Variants in POLN observed in about 807,000 individuals in gnomAD.
POLN encodes the protein DNA polymerase nu.
In POLN, 108 loss-of-function variants were observed where a neutral mutation model predicts 113.5. That is an observed-to-expected ratio of 0.95 (90% confidence interval 0.81 to 1.12). The LOEUF is 1.12. Among genes scored for constraint, POLN ranks in the 50% most tolerant of loss-of-function variants. POLN has a pLI of 0.00. For synonymous variants in POLN, 386 were observed against 391.5 expected (o/e 0.99, Z 0.17); for missense variants, 1,097 against 1,077.1 (o/e 1.02, Z -0.26).
chr4:2,179,526 T>A, intron 7 of POLN, 61 bp from the exon 8 acceptor site: 1 of 1,530,458 alleles, frequency 6.5e-7, no homozygotes, highest in Non-Finnish European at 9.0e-7. Flanking sequence ...TTTCCTGCTT[T>A]GACAAAGTTC....
intron 2 of POLN, among the ~76,000 whole-genome samples, chr4:2,233,378 A>C (rs999388238): frequency 1.3e-5 from 2 of 152,158 alleles, no homozygotes; most frequent in Non-Finnish European, 2.9e-5. Context: ...GAAAAACACT[A>C]ATGATACCCA....
intron 16 of POLN, among the ~76,000 whole-genome samples, chr4:2,133,160 A>AAT (rs1553896585): frequency 5.4e-4 from 82 of 151,760 alleles, no homozygotes; most frequent in Non-Finnish European, 8.5e-4. Context: ...AAAAAAAAAA[A>AAT]AAATAACATG....
At chr4:2,149,693 G>A (rs1283233612) in intron 16 of POLN, among the ~76,000 whole-genome samples, 1 of 152,198 alleles carries the variant, frequency 6.6e-6, no homozygotes, top group Non-Finnish European at 1.5e-5. Context: ...GGATGAGGCA[G>A]AAGGATCACT....
At chr4:2,200,650 C>T (rs1453638359) in intron 5 of POLN, among the ~76,000 whole-genome samples, 1 of 152,104 alleles carries the variant, frequency 6.6e-6, no homozygotes, top group Non-Finnish European at 1.5e-5. Flanking sequence ...GAAGCCACAT[C>T]CCTAGGAAAA....
intron 19 of POLN, among the ~76,000 whole-genome samples, chr4:2,125,694 G>A (rs1045197681): frequency 1.3e-5 from 2 of 152,144 alleles, no homozygotes; most frequent in Admixed American, 6.5e-5. Context: ...TGGGCTGAGC[G>A]GAGATAACAA....
chr4:2,175,723 C>T (rs865898450), intron 9 of POLN, among the ~76,000 whole-genome samples: 1 of 152,212 alleles, frequency 6.6e-6, no homozygotes, highest in Non-Finnish European at 1.5e-5. Flanking sequence ...GCCCATAAGG[C>T]GGGGCAGGCT....
At chr4:2,224,266 C>T (rs1734331463) in intron 3 of POLN, among the ~76,000 whole-genome samples, 1 of 152,150 alleles carries the variant, frequency 6.6e-6, no homozygotes, top group Non-Finnish European at 1.5e-5. Flanking sequence ...GTATCTTGTC[C>T]CCCTGGAAGG....
chr4:2,240,268 G>C (rs1052808146), intron 2 of POLN: 2 of 1,613,530 alleles, frequency 1.2e-6, no homozygotes, highest in African/African-American at 2.7e-5. Context: ...ACTACTTCAT[G>C]TATACCCTGA....
At position 2,236,125 on chromosome 4, in the gene POLN, T is replaced by A. The variant is rs75270981; in HGVS notation, c.-13+5395A>T. 3.9e-3 allele frequency: 2,529 copies of A among 648,082 alleles called. 41 individuals are homozygous for A. The highest frequency in any genetic ancestry group is 0.035 in the East Asian group (1,259 of 36,482). 40.1% of individuals were successfully genotyped at this position (648,082 alleles called of 1,614,324 possible). ...AGAAATATACTTTATATTAAGGCAATGAAATTGGGGTAATATTTTCCTCAT... is the reference window on the plus strand; with the variant it reads ...AGAAATATACTTTATATTAAGGCAAAGAAATTGGGGTAATATTTTCCTCAT... On this transcript the variant is annotated intron_variant, in intron 2 of 25. Coordinates refer to ENST00000511885, the MANE Select transcript of POLN (RefSeq NM_181808.4).
In POLN at chr4:2,242,121, T is replaced by G. The variant is rs1577807932; in HGVS notation, c.-354A>C. 1 of 985,806 alleles carries G rather than the reference T, an allele frequency of 1.0e-6. No homozygotes were observed. 61.1% of individuals were successfully genotyped at this position (985,806 alleles called of 1,614,324 possible). ...CCTCCGTGCCCCGCGCGCCTCGCAC[T>G]GCCTCACGGGAGCGCCTGGACGCGC... On this transcript the variant is annotated 5_prime_UTR_variant, in exon 1 of 26. Coordinates refer to ENST00000511885, the MANE Select transcript of POLN (RefSeq NM_181808.4).
chr4:2,133,018 G>T (rs1021162286), intron 16 of POLN, among the ~76,000 whole-genome samples: 1 of 152,038 alleles, frequency 6.6e-6, no homozygotes, highest in African/African-American at 2.4e-5. Context: ...TATAAAAATA[G>T]CTTGTGGCTG....
Position 2,072,963 on chromosome 4 carries a change from C to T in POLN, c.2517+5G>A, listed in dbSNP as rs1469672775. 3 of 1,613,064 alleles carry T rather than the reference C, an allele frequency of 1.9e-6. No homozygotes were observed. In the Admixed American group the frequency reaches 5.0e-5, roughly 27 times the overall value. On this transcript the variant is annotated splice_donor_5th_base_variant and intron_variant, in intron 25 of 25. Transcript: ENST00000511885. ...AAGACCGGGCAGGCTTAAGTGTCCC[C>T]TCACCTGAAGCTGCAGCTCCAATGC...
At chr4:2,107,446 C>A (rs1325802695) in intron 19 of POLN, among the ~76,000 whole-genome samples, 2 of 152,154 alleles carry the variant, frequency 1.3e-5, no homozygotes, top group East Asian at 3.9e-4. Flanking sequence ...TGTTAGCTTG[C>A]GGCGGGTAAA....
At chr4:2,181,543 C>A (rs7676502) in intron 7 of POLN, among the ~76,000 whole-genome samples, 37,366 of 151,250 alleles carry the variant, frequency 0.25, 7,119 homozygotes, top group African/African-American at 0.52. Flanking sequence ...AAAGAAATGA[C>A]GAAACTGAAA....
At chr4:2,209,741 A>T (rs1733943961) in intron 4 of POLN, among the ~76,000 whole-genome samples, 1 of 138,634 alleles carries the variant, frequency 7.2e-6, no homozygotes, top group Admixed American at 7.8e-5. Context: ...AGCTCACTGC[A>T]ACTTCCATGT....
chr4:2,176,219 T>A (rs746097593), intron 9 of POLN, 47 bp downstream of exon 9: 99 of 1,482,270 alleles, frequency 6.7e-5, no homozygotes, highest in Non-Finnish European at 8.0e-5. Flanking sequence ...TGAAAAGACA[T>A]CTCTTGTGAG....
chr4:2,127,711 C>T lies in POLN; in HGVS notation c.1982+402G>A, dbSNP rs1189920139. ...AGCCACTCAGGCAGGATCTTTCACC[C>T]GCAGCTCAAGAAGCCCCTGGCCCAC... On this transcript the variant is annotated intron_variant, in intron 19 of 25. Transcript: ENST00000511885. This position sits in a 1 kb window ranked among gnomAD's most constrained non-coding sequence, Gnocchi z 4.7. 2.0e-5 allele frequency among the ~76,000 whole-genome samples: 3 copies of T among 152,244 alleles called. No homozygotes were observed. Among genetic ancestry groups the T allele is most frequent in the South Asian group, 2.1e-4 (1 of 4,834 alleles).
intron 20 of POLN, chr4:2,090,609 C>T (rs1730643508): frequency 2.3e-6 from 1 of 433,794 alleles, no homozygotes; most frequent in Non-Finnish European, 4.4e-6. Context: ...CATTCCGATG[C>T]TGGGCCATGA....
intron 16 of POLN, among the ~76,000 whole-genome samples, chr4:2,144,134 A>C (rs1301282581): frequency 6.6e-6 from 1 of 151,538 alleles, no homozygotes; most frequent in Non-Finnish European, 1.5e-5. Flanking sequence ...TCACTGTTAA[A>C]AATTTGTTCT....
Sources: allele counts gnomAD v4.1 joint callset (sites outside exome capture counted in the v4.1 genomes callset), GRCh38; gene constraint gnomAD v4.1.1; non-coding constraint Gnocchi (gnomAD v3.1); transcripts MANE v1.5; gene names NCBI Gene and HGNC (gene_info 2026-07-23, HGNC 2026-07-21).